Variants in ADARB2 observed in about 807,000 individuals in gnomAD.
ADARB2 encodes the protein adenosine deaminase RNA specific B2 (inactive).
Under a neutral mutation model 62.2 loss-of-function variants are expected in ADARB2, and 25 were observed. The observed-to-expected ratio is 0.40, with a 90% confidence interval of 0.29 to 0.56. ADARB2 has a LOEUF of 0.56. Among genes scored for constraint, ADARB2 ranks in the 20% least tolerant of loss-of-function variants. The pLI is 0.43. For synonymous variants in ADARB2, 572 were observed against 500.8 expected (o/e 1.14, Z -1.90); for missense variants, 1,071 against 1,077.4 (o/e 0.99, Z 0.08).
chr10:1,227,308 C>T (rs1791787514), intron 6 of ADARB2, among the ~76,000 whole-genome samples: 1 of 152,210 alleles, frequency 6.6e-6, no homozygotes, highest in South Asian at 2.1e-4. Context: ...TGTCTGTCAC[C>T]CCTTTCTTTG....
chr10:1,499,003 T>TACTC (rs34941287), intron 1 of ADARB2, among the ~76,000 whole-genome samples: 46,431 of 151,440 alleles, frequency 0.31, 7,304 homozygotes, highest in Middle Eastern at 0.39. Flanking sequence ...ACTCACTCAA[T>TACTC]ACTCATTACT....
intron 1 of ADARB2, among the ~76,000 whole-genome samples, chr10:1,538,716 T>C (rs912564498): frequency 2.0e-5 from 3 of 152,196 alleles, no homozygotes; most frequent in Non-Finnish European, 4.4e-5. Context: ...GGTCCTTTAG[T>C]GCCACTAGAG....
At chr10:1,272,344 C>T (rs915107756) in intron 3 of ADARB2, among the ~76,000 whole-genome samples, 2 of 152,212 alleles carry the variant, frequency 1.3e-5, no homozygotes, top group Non-Finnish European at 2.9e-5. Flanking sequence ...ATAAGGACAG[C>T]TCTCTGATTA....
chr10:1,571,957 A>AGGTGAGTGTGCAGGTGAGTGTGCT (rs1450997844), intron 1 of ADARB2, among the ~76,000 whole-genome samples: 1 of 145,848 alleles, frequency 6.9e-6, no homozygotes, highest in African/African-American at 2.6e-5. Flanking sequence ...GTGAGTAGGC[A>AGGTGAGTGTGCAGGTGAGTGTGCT]GGTGAGTGTG....
chr10:1,452,349 TAAC>T (rs889299711), intron 1 of ADARB2, among the ~76,000 whole-genome samples: 36 of 152,148 alleles, frequency 2.4e-4, no homozygotes, highest in Non-Finnish European at 4.4e-4. Context: ...ATAATAATAA[TAAC>T]AATAATAAAA....
chr10:1,303,421 T>C (rs1044325324), intron 3 of ADARB2, among the ~76,000 whole-genome samples: 4 of 151,982 alleles, frequency 2.6e-5, no homozygotes, highest in African/African-American at 7.2e-5. Flanking sequence ...CTGAAAGTGA[T>C]GGGGAGAATG....
chr10:1,253,934 G>A (rs1012883090), intron 4 of ADARB2, among the ~76,000 whole-genome samples: 2 of 151,668 alleles, frequency 1.3e-5, no homozygotes, highest in East Asian at 1.9e-4. Flanking sequence ...GTTAAGATGC[G>A]ATGGGCTCTG....
rs144210480 is a variant in ADARB2 at position 1,470,643 on chromosome 10, A to G, written c.101-91483T>C. 2.6e-5 allele frequency among the ~76,000 whole-genome samples: 4 copies of G among 152,358 alleles called. No individual in the cohort carries two copies. The East Asian group carries it at 5.8e-4, about 22-fold the overall frequency. On this transcript the variant is annotated intron_variant, in intron 1 of 9. Transcript: ENST00000381312. ...AGAACACCAATTTTTAGCAAATTTT[A>G]TGACTCATGTAGTGTAACGTGTAAA...
chr10:1,531,639 C>G (rs1432603402), intron 1 of ADARB2, among the ~76,000 whole-genome samples: 1 of 152,154 alleles, frequency 6.6e-6, no homozygotes, highest in African/African-American at 2.4e-5. Context: ...GAGTTTGAGA[C>G]CATCCTGGCC....
chr10:1,711,312 G>C (rs149825196), intron 1 of ADARB2, among the ~76,000 whole-genome samples: 27 of 152,270 alleles, frequency 1.8e-4, no homozygotes, highest in African/African-American at 6.5e-4. Context: ...CGAACTCAAG[G>C]TCTCCTATCT....
At chr10:1,466,491 C>T (rs537367591) in intron 1 of ADARB2, among the ~76,000 whole-genome samples, 14 of 152,282 alleles carry the variant, frequency 9.2e-5, no homozygotes, top group Admixed American at 5.2e-4. Flanking sequence ...GACGGCCGCA[C>T]ACATGGTGGG....
At chr10:1,362,185 C>A (rs1341927771) in intron 3 of ADARB2, among the ~76,000 whole-genome samples, 1 of 152,228 alleles carries the variant, frequency 6.6e-6, no homozygotes. Flanking sequence ...GAAATGTCCT[C>A]TCCATTTACA....
chr10:1,201,070 G>A (rs1022835369), intron 7 of ADARB2, among the ~76,000 whole-genome samples: 2 of 152,126 alleles, frequency 1.3e-5, no homozygotes, highest in African/African-American at 2.4e-5. Flanking sequence ...AATCTTCTCC[G>A]AGAACCCGTG....
intron 1 of ADARB2, among the ~76,000 whole-genome samples, chr10:1,687,635 T>C (rs1588352838): frequency 6.6e-6 from 1 of 151,506 alleles, no homozygotes; most frequent in African/African-American, 2.4e-5. Flanking sequence ...TTAAATTATT[T>C]AAATAATCAT....
At chr10:1,543,710 A>C (rs531045503) in intron 1 of ADARB2, among the ~76,000 whole-genome samples, 136 of 152,236 alleles carry the variant, frequency 8.9e-4, no homozygotes, top group African/African-American at 3.2e-3. Context: ...CCGAACCATG[A>C]TGTGGTGGAA....
intron 1 of ADARB2, among the ~76,000 whole-genome samples, chr10:1,510,161 TTTCTTTC>T: frequency 7.0e-6 from 1 of 143,570 alleles, no homozygotes; most frequent in Non-Finnish European, 1.5e-5. Context: ...TCTTTCTTTC[TTTCTTTC>T]TTTTTCTTTC....
At chr10:1,380,805 T>C (rs1295845466) in intron 1 of ADARB2, among the ~76,000 whole-genome samples, 1 of 152,244 alleles carries the variant, frequency 6.6e-6, no homozygotes, top group Non-Finnish European at 1.5e-5. Context: ...TACCAGAGAA[T>C]GAAATATCTT....
chr10:1,469,360 C>T (rs1237734651), intron 1 of ADARB2, among the ~76,000 whole-genome samples: 2 of 152,196 alleles, frequency 1.3e-5, no homozygotes, highest in African/African-American at 4.8e-5. Flanking sequence ...TTATTCTCTT[C>T]CCTATTTGGA....
intron 3 of ADARB2, among the ~76,000 whole-genome samples, chr10:1,337,987 T>C (rs185214775): frequency 6.6e-6 from 1 of 152,346 alleles, no homozygotes; most frequent in East Asian, 1.9e-4. Flanking sequence ...GTGCTTCTCA[T>C]GGCATCATTT....
Sources: allele counts gnomAD v4.1 joint callset (sites outside exome capture counted in the v4.1 genomes callset), GRCh38; gene constraint gnomAD v4.1.1; transcripts MANE v1.5; gene names NCBI Gene and HGNC (gene_info 2026-07-23, HGNC 2026-07-21).